The following EPM2A variants were observed in gnomAD, a reference collection of about 807,000 sequenced individuals.
EPM2A encodes the protein EPM2A glucan phosphatase, laforin, also known as laforin.
EPM2A carries 21 observed loss-of-function variants against 26.5 expected under a neutral mutation model. That is an observed-to-expected ratio of 0.79 (90% CI 0.56 to 1.14). EPM2A has a LOEUF of 1.14. EPM2A is among the 50% of genes most tolerant of loss of function. The pLI, the probability that EPM2A is intolerant of heterozygous loss-of-function variation, is 0.00. For missense variants in EPM2A, 458 were observed against 440.8 expected, an observed-to-expected ratio of 1.04 and a Z score of -0.35; for synonymous variants, 217 against 177.6, an observed-to-expected ratio of 1.22 and a Z score of -1.76.
intron 4 of EPM2A, among the ~76,000 whole-genome samples, chr6:145,488,230 T>C (rs1779702781): frequency 1.3e-5 from 2 of 152,168 alleles, no homozygotes; most frequent in Non-Finnish European, 1.5e-5. Flanking sequence ...CAGCATGGTA[T>C]AGTTTGAAGC....
chr6:145,563,387 C>G lies in EPM2A; in HGVS notation c.341-60812G>C, dbSNP rs541571246. ...CAAAAGGAATGCACGCAAAAGCCCA[C>G]GGTGGTGAAAGTCCTTGAATGTTTG... On this transcript the variant is annotated intron_variant, in intron 2 of 3. Coordinates refer to the EPM2A transcript ENST00000450221. Among the ~76,000 whole-genome samples the G allele has an allele frequency of 2.0e-5, 3 of 151,800 alleles. No individual in the cohort carries two copies. The South Asian group carries it at 6.2e-4, about 32-fold the overall frequency.
chr6:145,470,767 T>C (rs975088574), intron 4 of EPM2A, among the ~76,000 whole-genome samples: 23 of 152,280 alleles, frequency 1.5e-4, no homozygotes, highest in African/African-American at 5.3e-4. Context: ...TTAGTCCTAA[T>C]TTACTAATAG....
At chr6:145,577,584 C>T (rs916943525) in intron 2 of EPM2A, among the ~76,000 whole-genome samples, 5 of 151,178 alleles carry the variant, frequency 3.3e-5, no homozygotes, top group African/African-American at 4.9e-5. Context: ...GTAGACCCCC[C>T]CCCAATACAA....
chr6:145,466,031 A>C (rs2114720873), intron 4 of EPM2A, among the ~76,000 whole-genome samples: 1 of 152,270 alleles, frequency 6.6e-6, no homozygotes, highest in South Asian at 2.1e-4. Context: ...AAACCATAAA[A>C]ACCCTAGAAG....
chr6:145,549,378 G>T (rs1780624715), intron 2 of EPM2A, among the ~76,000 whole-genome samples: 1 of 152,060 alleles, frequency 6.6e-6, no homozygotes, highest in Non-Finnish European at 1.5e-5. Context: ...ACCAAAAATT[G>T]TTTTCATGAT....
intron 2 of EPM2A, among the ~76,000 whole-genome samples, chr6:145,604,391 C>G (rs1274838899): frequency 1.3e-5 from 2 of 151,960 alleles, no homozygotes; most frequent in East Asian, 3.9e-4. Context: ...GTATGTCTCA[C>G]TTTTAACAAA....
chr6:145,572,367 T>C lies in EPM2A; in HGVS notation c.340+62878A>G, dbSNP rs1780970225. ...ATGGCAGGAGTGGAGACCATGGGCA[T>C]TTGAGCCACTGCCTCATGTAACTTA... On this transcript the variant is annotated intron_variant, in intron 2 of 3. Transcript: ENST00000450221. Among the ~76,000 whole-genome samples, 5 of 152,144 alleles carry C rather than the reference T, an allele frequency of 3.3e-5. No homozygotes were observed. The South Asian group carries it at 1.0e-3, about 32-fold the overall frequency.
intron 2 of EPM2A, among the ~76,000 whole-genome samples, chr6:145,560,504 C>A (rs1223063120): frequency 6.6e-6 from 1 of 152,092 alleles, no homozygotes; most frequent in African/African-American, 2.4e-5. Flanking sequence ...AATAAATAGG[C>A]ATGGCTACTT....
intron 2 of EPM2A, among the ~76,000 whole-genome samples, chr6:145,642,185 G>C (rs993682307): frequency 3.3e-5 from 5 of 152,156 alleles, no homozygotes; most frequent in African/African-American, 7.2e-5. Flanking sequence ...TGGTTACCTT[G>C]ATACAGATTT....
chr6:145,733,968 C>CT (rs1368723962), intron 1 of EPM2A, among the ~76,000 whole-genome samples: 1 of 152,152 alleles, frequency 6.6e-6, no homozygotes, highest in African/African-American at 2.4e-5. Context: ...AAGAAAGGAG[C>CT]TGTCTCAATT....
chr6:145,485,420 A>C (rs1026614419), intron 4 of EPM2A, among the ~76,000 whole-genome samples: 1 of 152,130 alleles, frequency 6.6e-6, no homozygotes, highest in Non-Finnish European at 1.5e-5. Flanking sequence ...AAGCCAGAGC[A>C]TGAAGACAAA....
intron 2 of EPM2A, among the ~76,000 whole-genome samples, chr6:145,666,723 A>G (rs1438600868): frequency 6.8e-6 from 1 of 147,402 alleles, no homozygotes; most frequent in Non-Finnish European, 1.5e-5. Flanking sequence ...CTAAGCCAAA[A>G]GAACAAAGTT....
At chr6:145,457,301 T>C (rs1351303941) in intron 4 of EPM2A, among the ~76,000 whole-genome samples, 1 of 151,846 alleles carries the variant, frequency 6.6e-6, no homozygotes, top group African/African-American at 2.4e-5. Context: ...CAGGCCAACA[T>C]GGTGAAACCC....
intron 4 of EPM2A, among the ~76,000 whole-genome samples, chr6:145,494,827 T>A (rs1779796937): frequency 6.6e-6 from 1 of 152,230 alleles, no homozygotes; most frequent in Admixed American, 6.5e-5. Context: ...TCTAATTGCA[T>A]TCATTGTGCT....
intron 2 of EPM2A, among the ~76,000 whole-genome samples, chr6:145,672,802 C>A (rs1263288396): frequency 6.6e-6 from 1 of 152,162 alleles, no homozygotes; most frequent in African/African-American, 2.4e-5. Context: ...CCAGTACAGA[C>A]CTTCACCCTC....
chr6:145,614,284 T>G (rs151205826), intron 2 of EPM2A, among the ~76,000 whole-genome samples: 1 of 152,392 alleles, frequency 6.6e-6, no homozygotes, highest in African/African-American at 2.4e-5. Context: ...TGCTCTGGAT[T>G]AGGCTTTGAC....
chr6:145,673,719 G>T (rs1038585838), intron 2 of EPM2A, among the ~76,000 whole-genome samples: 9 of 152,156 alleles, frequency 5.9e-5, no homozygotes, highest in Non-Finnish European at 8.8e-5. Context: ...AGCCTGGTGG[G>T]GGGAGGGGAG....
At chr6:145,532,277 A>G (rs1780368483) in intron 2 of EPM2A, among the ~76,000 whole-genome samples, 2 of 152,282 alleles carry the variant, frequency 1.3e-5, no homozygotes, top group African/African-American at 2.4e-5. Context: ...TTTTAAGATG[A>G]AGTTATAGGA....
intron 2 of EPM2A, among the ~76,000 whole-genome samples, chr6:145,550,415 T>C (rs1182213448): frequency 6.6e-6 from 1 of 152,066 alleles, no homozygotes; most frequent in East Asian, 1.9e-4. Context: ...TATTCACTTT[T>C]ATTTCATGTG....
Sources: gnomAD v4.1 joint callset for allele counts (sites outside exome capture counted in the v4.1 genomes callset) on GRCh38, gnomAD v4.1.1 for gene constraint, MANE v1.5 for transcripts, NCBI Gene and HGNC (gene_info 2026-07-23, HGNC 2026-07-21) for gene names.